PARP9: variants seen among roughly 807,000 people sequenced by gnomAD.
The protein encoded by PARP9 is protein mono-ADP-ribosyltransferase PARP9.
PARP9 carries 48 observed loss-of-function variants against 68.8 expected under a neutral mutation model. The ratio of observed to expected loss-of-function variants is 0.70; its 90% CI spans 0.55 to 0.89. The LOEUF (loss-of-function observed/expected upper bound fraction) is 0.89. PARP9 is among the 40% of genes least tolerant of loss of function. The pLI is 0.00. For synonymous variants in PARP9, 309 were observed against 333.8 expected, an observed-to-expected ratio of 0.93 and a Z score of 0.81; for missense variants, 806 against 969.3, an observed-to-expected ratio of 0.83 and a Z score of 2.24.
chr3:122,532,150 G>A, intron 10 of PARP9: 2 of 985,598 alleles, frequency 2.0e-6, no homozygotes, highest in Non-Finnish European at 2.4e-6. Context: ...CTCTGGAGCA[G>A]GTGAGGACCA....
At position 122,558,449 on chromosome 3, in the gene PARP9, A is replaced by G; in HGVS notation, c.34T>C (p.Tyr12His). The change falls in exon 3 of 11, where the codon TAC (tyrosine) becomes CAC (histidine). Residue 12 changes from tyrosine to histidine, a missense_variant. Tyr to His is a moderately conservative substitution (Grantham distance 83). Coordinates refer to ENST00000682323, the MANE Select transcript of PARP9 (RefSeq NM_001146105.2). Reference protein sequence around the residue: ...DFSMVAGAAAYNEKSETGALG... With the variant: ...DFSMVAGAAAHNEKSETGALG... Reference sequence around the variant, plus strand: ...GTAATCCTACCTGATTTTTCATTGTAAGCTGCTGCTCCGGCCACCTGTGAA... The same window carrying G: ...GTAATCCTACCTGATTTTTCATTGTGAGCTGCTGCTCCGGCCACCTGTGAA... 1 of 1,614,136 alleles carries G rather than the reference A, an allele frequency of 6.2e-7. No homozygotes were observed. The highest frequency in any genetic ancestry group is 8.5e-7 in the Non-Finnish European group (1 of 1,179,984).
At chr3:122,551,258 G>T (rs1447858633) in intron 5 of PARP9, among the ~76,000 whole-genome samples, 2 of 152,178 alleles carry the variant, frequency 1.3e-5, no homozygotes, top group African/African-American at 2.4e-5. Flanking sequence ...ATTTTTGGCA[G>T]ATTTAAATTT....
chr3:122,539,793 A>G (rs1320445442), intron 8 of PARP9, among the ~76,000 whole-genome samples: 1 of 151,910 alleles, frequency 6.6e-6, no homozygotes, highest in Non-Finnish European at 1.5e-5. Context: ...TGAACTCCCA[A>G]CCTCAGGTGA....
intron 5 of PARP9, 127 bp downstream of exon 5, chr3:122,552,291 A>G: frequency 2.9e-6 from 2 of 698,334 alleles, no homozygotes; most frequent in Non-Finnish European, 2.4e-6. Flanking sequence ...CAGGTGTGCT[A>G]AAAATTGAGA....
intron 2 of PARP9, among the ~76,000 whole-genome samples, chr3:122,558,707 A>T (rs113741894): frequency 6.6e-6 from 1 of 152,036 alleles, no homozygotes; most frequent in Non-Finnish European, 1.5e-5. Context: ...TTCTTTTTTT[A>T]AATTTAATTT....
chr3:122,545,172 A>G (rs773895521), intron 7 of PARP9, among the ~76,000 whole-genome samples: 2 of 152,164 alleles, frequency 1.3e-5, no homozygotes, highest in Admixed American at 6.5e-5. Context: ...AAAATTATAG[A>G]TATCTATTTA....
At chr3:122,549,063 C>T (rs2078984697) in intron 6 of PARP9, among the ~76,000 whole-genome samples, 3 of 151,668 alleles carry the variant, frequency 2.0e-5, no homozygotes, top group South Asian at 2.1e-4. Context: ...TGCCCAAGCC[C>T]GGGTGCAATG....
At chr3:122,556,736 T>A (rs748546686) in intron 3 of PARP9, among the ~76,000 whole-genome samples, 132 of 152,270 alleles carry the variant, frequency 8.7e-4, no homozygotes, top group Non-Finnish European at 1.7e-3. Context: ...GGAACTTAAC[T>A]CTACTGGGAA....
At chr3:122,560,638 G>A (rs555294873) in intron 1 of PARP9, among the ~76,000 whole-genome samples, 125 of 152,166 alleles carry the variant, frequency 8.2e-4, no homozygotes, top group African/African-American at 2.8e-3. Flanking sequence ...TACCCGTCTC[G>A]GCCTCCCAAA....
At chr3:122,531,047 TA>T (rs1559796451) in intron 10 of PARP9, among the ~76,000 whole-genome samples, 1 of 152,266 alleles carries the variant, frequency 6.6e-6, no homozygotes, top group African/African-American at 2.4e-5. Context: ...ATGTAATCTA[TA>T]TTTTGAAAAG....
chr3:122,539,792 A>G (rs917472197), intron 8 of PARP9, among the ~76,000 whole-genome samples: 3 of 151,924 alleles, frequency 2.0e-5, no homozygotes, highest in African/African-American at 7.3e-5. Context: ...TTGAACTCCC[A>G]ACCTCAGGTG....
intron 7 of PARP9, among the ~76,000 whole-genome samples, chr3:122,543,819 C>A (rs1251255571): frequency 1.3e-5 from 2 of 152,030 alleles, no homozygotes; most frequent in Non-Finnish European, 2.9e-5. Context: ...ACATCTTGCC[C>A]AGGCTGGTCT....
At chr3:122,534,837 C>T in intron 10 of PARP9, 1 of 811,174 alleles carries the variant, frequency 1.2e-6, no homozygotes, top group Non-Finnish European at 1.5e-6. Flanking sequence ...GATGGTGCCA[C>T]TGCACTCCAG....
chr3:122,549,958 A>C (rs2079064937), intron 6 of PARP9, among the ~76,000 whole-genome samples: 1 of 152,220 alleles, frequency 6.6e-6, no homozygotes, highest in Admixed American at 6.5e-5. Context: ...GAGAGGGGCA[A>C]GGACCCCACA....
At chr3:122,538,854 C>T (rs996196512) in intron 8 of PARP9, among the ~76,000 whole-genome samples, 3 of 108,918 alleles carry the variant, frequency 2.8e-5, no homozygotes, top group African/African-American at 9.2e-5. Context: ...TTCTTTTTAT[C>T]CATGTTTTTT....
intron 10 of PARP9, chr3:122,534,842 C>CTCCAA (rs2077531816): frequency 1.2e-6 from 1 of 851,914 alleles, no homozygotes; most frequent in Non-Finnish European, 1.4e-6. Context: ...TGCCACTGCA[C>CTCCAA]TCCAGCCTGA....
In PARP9 at chr3:122,555,626, A is replaced by G; in HGVS notation, c.545T>C (p.Ile182Thr). The G allele has an allele frequency of 6.2e-7, 1 of 1,614,116 alleles. No homozygotes were observed. The highest frequency in any genetic ancestry group is 8.5e-7 in the Non-Finnish European group (1 of 1,180,024). The change falls in exon 4 of 11, where the codon ATT becomes ACT. Residue 182 changes from isoleucine (I) to threonine (T), a missense_variant. This residue lies in a region of PARP9 where 680 missense variants were observed against 858.8 expected (regional missense o/e 0.79). Transcript: ENST00000682323. ...GATGACATAATTCAGAATACTTACA[A>G]TGGCCCTCTGCAGCTTTCCAGTACA... ...QGCTGKLQRA[I>T]VSILNYVIYK...
chr3:122,535,181 T>G, intron 10 of PARP9: 1 of 985,436 alleles, frequency 1.0e-6, no homozygotes, highest in Non-Finnish European at 1.2e-6. Context: ...TATAGATTTT[T>G]TAAGACTTTG....
Position 122,540,460 on chromosome 3 carries a change from A to G in PARP9, c.1765+12T>C, listed in dbSNP as rs2078115050. On this transcript the variant is annotated intron_variant, in intron 8 of 10. Transcript: ENST00000682323. ...GAGAATTTACTTTCTAATTTGATAG[A>G]AAGTTACTCACCTAACGAGCGCCAA... 1 of 1,607,392 alleles carries G rather than the reference A, an allele frequency of 6.2e-7. No individual in the cohort carries two copies. The highest frequency in any genetic ancestry group is 2.2e-5 in the East Asian group (1 of 44,802).
Sources: gnomAD v4.1 joint callset for allele counts (sites outside exome capture counted in the v4.1 genomes callset) on GRCh38, gnomAD v4.1.1 for gene constraint, gnomAD v4.1.1 regional missense constraint, MANE v1.5 for transcripts, NCBI Gene and HGNC (gene_info 2026-07-23, HGNC 2026-07-21) for gene names.